Variants in ZCCHC10 observed in about 807,000 individuals in gnomAD.
The protein encoded by ZCCHC10 is zinc finger CCHC domain-containing protein 10.
A neutral mutation model predicts 19.5 loss-of-function variants in ZCCHC10; 16 were observed. That is an observed-to-expected ratio of 0.82 (90% confidence interval 0.56 to 1.25). ZCCHC10 has a LOEUF of 1.25. Among genes scored for constraint, ZCCHC10 ranks in the 50% most tolerant of loss-of-function variants. ZCCHC10 has a pLI of 0.00. For synonymous variants in ZCCHC10, 67 were observed against 72.5 expected, an observed-to-expected ratio of 0.92 and a Z score of 0.38; for missense variants, 197 against 201.0, an observed-to-expected ratio of 0.98 and a Z score of 0.12.
chr5:133,007,840 T>A (rs1366603090), intron 2 of ZCCHC10, among the ~76,000 whole-genome samples: 1 of 152,178 alleles, frequency 6.6e-6, no homozygotes, highest in East Asian at 1.9e-4. Flanking sequence ...TCCTCAATTC[T>A]GTTCCAGTTA....
At chr5:133,019,339 G>C (rs1764140439) in intron 2 of ZCCHC10, 1 of 219,472 alleles carries the variant, frequency 4.6e-6, no homozygotes, top group African/African-American at 2.4e-5. Context: ...TGCTGAGTTA[G>C]ACAAACAAAA....
At chr5:133,005,862 T>A (rs965049654) in intron 3 of ZCCHC10, among the ~76,000 whole-genome samples, 30 of 152,132 alleles carry the variant, frequency 2.0e-4, no homozygotes, top group Non-Finnish European at 3.5e-4. Flanking sequence ...AAATTGGTTA[T>A]CTATTCCTGC....
Position 133,026,094 on chromosome 5 carries a change from C to T in ZCCHC10, c.41+403G>A, listed in dbSNP as rs751668332. Among the ~76,000 whole-genome samples, 5 of 152,328 alleles carry T rather than the reference C, an allele frequency of 3.3e-5. No individual in the cohort carries two copies. The South Asian group carries it at 6.2e-4, about 19-fold the overall frequency. On this transcript the variant is annotated intron_variant, in intron 1 of 4. Coordinates refer to ENST00000509437, the MANE Select transcript of ZCCHC10 (RefSeq NM_001300816.3). The stretch of plus-strand genomic sequence containing the variant: ...GCTAGAATAAGGAAGTAGGAAAAGG[C>T]AGCTGGGCTGGACACTGAATAGGAA...
At chr5:133,021,114 T>C (rs1764279694) in intron 2 of ZCCHC10, among the ~76,000 whole-genome samples, 1 of 152,198 alleles carries the variant, frequency 6.6e-6, no homozygotes, top group Non-Finnish European at 1.5e-5. Context: ...GCCAGGATAG[T>C]CTTGATCTTT....
At chr5:133,007,611 C>T (rs1463383551) in intron 2 of ZCCHC10, among the ~76,000 whole-genome samples, 1 of 151,936 alleles carries the variant, frequency 6.6e-6, no homozygotes, top group Admixed American at 6.6e-5. Flanking sequence ...TTCTTGCTGC[C>T]GTCCATGTAA....
At chr5:133,020,588 C>A (rs1369653909) in intron 2 of ZCCHC10, among the ~76,000 whole-genome samples, 1 of 146,152 alleles carries the variant, frequency 6.8e-6, no homozygotes, top group African/African-American at 2.6e-5. Context: ...TACAACTACA[C>A]GCTAGCCTGT....
intron 1 of ZCCHC10, among the ~76,000 whole-genome samples, chr5:133,026,009 G>T (rs752409043): frequency 3.7e-4 from 56 of 152,338 alleles, no homozygotes; most frequent in Non-Finnish European, 5.1e-4. Context: ...AGTAGCAAAA[G>T]GTGGTAAGAT....
At chr5:133,006,145 C>T (rs1029626013) in intron 3 of ZCCHC10, among the ~76,000 whole-genome samples, 8 of 147,266 alleles carry the variant, frequency 5.4e-5, no homozygotes, top group South Asian at 2.1e-4. Flanking sequence ...CCACTATGCC[C>T]GGCTAATTTT....
intron 2 of ZCCHC10, among the ~76,000 whole-genome samples, chr5:133,015,225 C>T (rs1003755686): frequency 6.6e-5 from 10 of 151,692 alleles, no homozygotes; most frequent in East Asian, 5.8e-4. Flanking sequence ...ATTACAGGTG[C>T]GCACCACCAC....
chr5:133,014,716 A>C (rs1219733145), intron 2 of ZCCHC10, among the ~76,000 whole-genome samples: 1 of 152,238 alleles, frequency 6.6e-6, no homozygotes, highest in Admixed American at 6.5e-5. Flanking sequence ...CTATTTGCAG[A>C]AGGCTTTAGT....
At chr5:133,025,089 C>T (rs980981578) in intron 1 of ZCCHC10, among the ~76,000 whole-genome samples, 1 of 152,022 alleles carries the variant, frequency 6.6e-6, no homozygotes, top group African/African-American at 2.4e-5. Flanking sequence ...CAGATAAACA[C>T]ACATACATAT....
chr5:133,025,280 G>A (rs1029650957), intron 1 of ZCCHC10, among the ~76,000 whole-genome samples: 162 of 151,996 alleles, frequency 1.1e-3, no homozygotes, highest in African/African-American at 3.9e-3. Context: ...CAAGGCGGGC[G>A]GATCTCGAGG....
intron 2 of ZCCHC10, among the ~76,000 whole-genome samples, chr5:133,016,918 A>C (rs116714628): frequency 1.4e-5 from 2 of 139,814 alleles, no homozygotes. Flanking sequence ...CCCACCCACG[A>C]CTCCCATTGC....
At chr5:133,022,772 T>C (rs1764404268) in intron 2 of ZCCHC10, 69 bp downstream of exon 2, 1 of 445,098 alleles carries the variant, frequency 2.2e-6, no homozygotes, top group Admixed American at 4.2e-5. Context: ...TTTTTATAAA[T>C]GCCTTGTATG....
Position 132,998,354 on chromosome 5 carries a change from G to T in ZCCHC10, c.*229C>A. ...TTGCAGATTTCAGCTTTAAGTTCTA[G>T]AGATATATTTTAAAGATAAAAAAAA... On this transcript the variant is annotated 3_prime_UTR_variant, in exon 5 of 5. Coordinates refer to ENST00000509437, the MANE Select transcript of ZCCHC10 (RefSeq NM_001300816.3). 1 of 425,844 alleles carries T rather than the reference G, an allele frequency of 2.3e-6. No individual in the cohort carries two copies. Among genetic ancestry groups the T allele is most frequent in the Non-Finnish European group, 4.2e-6 (1 of 236,130 alleles). 26.4% of individuals were successfully genotyped at this position (425,844 alleles called of 1,614,324 possible).
At chr5:133,012,704 C>T (rs1763635273) in intron 2 of ZCCHC10, among the ~76,000 whole-genome samples, 1 of 151,386 alleles carries the variant, frequency 6.6e-6, no homozygotes, top group African/African-American at 2.4e-5. Flanking sequence ...CACTTGAGGT[C>T]AGGAGTCCAA....
At chr5:133,018,475 C>T (rs1284973778) in intron 2 of ZCCHC10, among the ~76,000 whole-genome samples, 1 of 152,078 alleles carries the variant, frequency 6.6e-6, no homozygotes, top group Non-Finnish European at 1.5e-5. Flanking sequence ...TCTCGGTTCA[C>T]TGCAACCTCC....
intron 2 of ZCCHC10, among the ~76,000 whole-genome samples, chr5:133,014,886 G>A (rs1763816705): frequency 6.6e-6 from 1 of 152,176 alleles, no homozygotes; most frequent in Admixed American, 6.5e-5. Context: ...GATCATCATA[G>A]TCCATCTTAG....
intron 3 of ZCCHC10, among the ~76,000 whole-genome samples, chr5:133,001,398 AAACAACAAC>A (rs148198017): frequency 3.3e-5 from 5 of 151,216 alleles, no homozygotes; most frequent in Admixed American, 2.0e-4. Flanking sequence ...CTCAAAATAA[AAACAACAAC>A]AACAACAACA....
Sources: allele counts gnomAD v4.1 joint callset (sites outside exome capture counted in the v4.1 genomes callset), GRCh38; gene constraint gnomAD v4.1.1; transcripts MANE v1.5; gene names NCBI Gene and HGNC (gene_info 2026-07-23, HGNC 2026-07-21).